CRTAM: variants seen among roughly 807,000 people sequenced by gnomAD.
CRTAM encodes the protein cytotoxic and regulatory T cell molecule, also known as cytotoxic and regulatory T-cell molecule.
CRTAM carries 44 observed loss-of-function variants against 50.0 expected under a neutral mutation model. The observed-to-expected ratio is 0.88, with a 90% CI of 0.69 to 1.13. The LOEUF (loss-of-function observed/expected upper bound fraction) is 1.13, where lower values mean the gene tolerates loss of function less well. CRTAM is among the 50% of genes most tolerant of loss of function. The pLI is 0.00. For synonymous variants in CRTAM, 159 were observed against 169.3 expected (o/e 0.94, Z 0.47); for missense variants, 448 against 457.5 (o/e 0.98, Z 0.19).
chr11:122,851,369 C>G (rs1168202511), intron 2 of CRTAM, among the ~76,000 whole-genome samples: 1 of 151,484 alleles, frequency 6.6e-6, no homozygotes, highest in African/African-American at 2.4e-5. Flanking sequence ...GAAGTAAATA[C>G]TAATTGTTAA....
rs1491344363 is a variant in CRTAM, at chr11:122,868,186, A to ATGTGTG, written c.1051+88_1051+89insGTGTGT. On this transcript the variant is annotated intron_variant, in intron 9 of 9. Transcript: ENST00000227348. ...TCTCCAGAGAGACAGAGACAACAGA[A>ATGTGTG]TATGTGTGTGTGTGTGTGTGTGTGT... The ATGTGTG allele has an allele frequency of 6.6e-4, 415 of 630,984 alleles. 2 individuals are homozygous for ATGTGTG. The highest frequency in any genetic ancestry group is 1.1e-3 in the South Asian group (63 of 59,452). 39.1% of individuals were successfully genotyped at this position (630,984 alleles called of 1,614,324 possible). A position where few individuals can be genotyped will look rare whatever the true frequency, so the allele number is the denominator to read the frequency against.
At chr11:122,855,198 C>T (rs903011169) in intron 4 of CRTAM, among the ~76,000 whole-genome samples, 5 of 152,202 alleles carry the variant, frequency 3.3e-5, no homozygotes, top group African/African-American at 1.2e-4. Flanking sequence ...ACTGCCTCGG[C>T]CTCCCAGAGT....
At chr11:122,855,373 A>G (rs1188388372) in intron 4 of CRTAM, among the ~76,000 whole-genome samples, 1 of 152,252 alleles carries the variant, frequency 6.6e-6, no homozygotes, top group Non-Finnish European at 1.5e-5. Flanking sequence ...CTACTTCATT[A>G]TAAGACTTCC....
In CRTAM at chr11:122,854,017, TGCTCCACCATGA is replaced by T; in HGVS notation, c.423_434del (p.Cys141_Arg145delinsTer). 2 of 1,614,136 alleles carry T rather than the reference TGCTCCACCATGA, an allele frequency of 1.2e-6. No homozygotes were observed. Among genetic ancestry groups the T allele is most frequent in the African/African-American group, 1.3e-5 (1 of 75,062 alleles). ...TGGAGAAGAACATGTTGTACTCATG[TGCTCCACCATGA>T]GAAGCAAGCCCCCTCCGCAGATAAC... is the stretch of plus-strand genomic sequence containing the variant. On this transcript the variant is annotated stop_gained and inframe_deletion, in exon 4 of 10. Transcript: ENST00000227348. LOFTEE classifies it high-confidence loss of function.
At chr11:122,843,914 G>T (rs181245658) in intron 1 of CRTAM, among the ~76,000 whole-genome samples, 1 of 152,324 alleles carries the variant, frequency 6.6e-6, no homozygotes, top group Admixed American at 6.5e-5. Flanking sequence ...TCTCACTGGG[G>T]CTATTCTTCC....
intron 1 of CRTAM, among the ~76,000 whole-genome samples, chr11:122,841,450 G>T (rs2135227203): frequency 6.7e-6 from 1 of 149,826 alleles, no homozygotes; most frequent in East Asian, 2.0e-4. Context: ...GCCCAGGCTG[G>T]AGTGCAGTGG....
At chr11:122,865,161 C>T (rs1862152957) in intron 7 of CRTAM, among the ~76,000 whole-genome samples, 1 of 151,868 alleles carries the variant, frequency 6.6e-6, no homozygotes, top group Non-Finnish European at 1.5e-5. Flanking sequence ...CTTAGCCTCC[C>T]GAGTAGCTGG....
rs748561808 is a variant in CRTAM at position 122,868,021 on chromosome 11, G to C, written c.973G>C (p.Val325Leu). ...AHVIWKKENE[V>L]SEHTLESYRS... ...ATTTTCTTTTTTTGTAGAAAACGAA[G>C]TTTCAGAACACACACTAGAAAGTTA... Residue 325 changes from valine to leucine, a missense_variant, in exon 9 of 10, where the codon GTT (valine) becomes CTT (leucine). Transcript: ENST00000227348. 1.2e-6 allele frequency: 2 copies of C among 1,607,522 alleles called. No individual in the cohort carries two copies. Among genetic ancestry groups the C allele is most frequent in the Admixed American group, 3.4e-5 (2 of 59,266 alleles).
At chr11:122,847,087 C>T (rs1329528526) in intron 1 of CRTAM, among the ~76,000 whole-genome samples, 1 of 152,188 alleles carries the variant, frequency 6.6e-6, no homozygotes, top group Non-Finnish European at 1.5e-5. Context: ...AAGTACTACA[C>T]TAGGTTCTTT....
intron 9 of CRTAM, among the ~76,000 whole-genome samples, chr11:122,870,855 G>A (rs1157976150): frequency 1.3e-5 from 2 of 152,046 alleles, no homozygotes; most frequent in African/African-American, 4.8e-5. Flanking sequence ...GAGGCGGGTG[G>A]ATCACTTGAG....
intron 6 of CRTAM, among the ~76,000 whole-genome samples, chr11:122,863,918 T>C (rs1477807950): frequency 6.6e-6 from 1 of 152,164 alleles, no homozygotes; most frequent in Non-Finnish European, 1.5e-5. Flanking sequence ...ATAGTGGCGC[T>C]GTGCAATGGA....
At chr11:122,863,319 G>T (rs954302792) in intron 6 of CRTAM, among the ~76,000 whole-genome samples, 1 of 94,358 alleles carries the variant, frequency 1.1e-5, no homozygotes, top group African/African-American at 4.6e-5. Context: ...AAGAAAGAAA[G>T]AAAAAGAAAG....
At chr11:122,865,557 A>G (rs1039429586) in intron 7 of CRTAM, among the ~76,000 whole-genome samples, 5 of 152,160 alleles carry the variant, frequency 3.3e-5, no homozygotes, top group Non-Finnish European at 7.3e-5. Context: ...AATAGCTGGG[A>G]TTACAGGTGT....
intron 1 of CRTAM, among the ~76,000 whole-genome samples, chr11:122,847,627 A>G (rs536997353): frequency 6.6e-6 from 1 of 152,322 alleles, no homozygotes; most frequent in East Asian, 1.9e-4. Flanking sequence ...AGAACAAGGA[A>G]GTCCAGAGGG....
intron 4 of CRTAM, 92 bp from the exon 5 acceptor site, chr11:122,855,603 G>A (rs1861995062): frequency 2.8e-6 from 3 of 1,060,538 alleles, no homozygotes; most frequent in South Asian, 1.5e-5. Context: ...GAAATCTAAT[G>A]TTTGCCATGA....
intron 5 of CRTAM, among the ~76,000 whole-genome samples, chr11:122,861,406 ATATATATATATATATTT>A (rs1355720509): frequency 1.1e-4 from 2 of 18,996 alleles, no homozygotes; most frequent in African/African-American, 2.9e-4. Context: ...ATATATATAT[ATATATATATATATATTT>A]TTTTTTTTTT....
chr11:122,852,687 C>A (rs896336985), intron 3 of CRTAM, among the ~76,000 whole-genome samples: 1 of 152,116 alleles, frequency 6.6e-6, no homozygotes, highest in Non-Finnish European at 1.5e-5. Context: ...TGTAAGGGAG[C>A]ACACATCCTG....
Position 122,871,350 on chromosome 11 carries a change from A to C in CRTAM, c.1133A>C (p.His378Pro). 1 of 1,613,898 alleles carries C rather than the reference A, an allele frequency of 6.2e-7. No homozygotes were observed. The highest frequency in any genetic ancestry group is 8.5e-7 in the Non-Finnish European group (1 of 1,179,796). Residue 378 changes from histidine (H) to proline (P), a missense_variant, in exon 10 of 10, where the codon CAT becomes CCT. By Grantham distance (77) the His-to-Pro change is moderately conservative. Coordinates refer to ENST00000227348, the MANE Select transcript of CRTAM (RefSeq NM_019604.4). ...AKTKRKENVQ[H>P]SKLEEKHIQV... is the part of the protein sequence containing the mutation. ...ACAAAGAGGAAGGAAAATGTACAAC[A>C]TTCAAAATTAGAAGAAAAGCACATC...
intron 5 of CRTAM, among the ~76,000 whole-genome samples, chr11:122,858,991 T>G (rs1480020652): frequency 6.6e-6 from 1 of 152,194 alleles, no homozygotes; most frequent in Non-Finnish European, 1.5e-5. Context: ...TTTACTTATA[T>G]AGGTGATGTC....
Sources: allele counts gnomAD v4.1 joint callset (sites outside exome capture counted in the v4.1 genomes callset), GRCh38; gene constraint gnomAD v4.1.1; transcripts MANE v1.5; gene names NCBI Gene and HGNC (gene_info 2026-07-23, HGNC 2026-07-21).